CNTN1: variants seen among roughly 807,000 people sequenced by gnomAD.
CNTN1 encodes contactin-1.
A neutral mutation model predicts 126.4 loss-of-function variants in CNTN1; 38 were observed. The observed-to-expected ratio is 0.30, with a 90% CI of 0.23 to 0.39. The LOEUF (loss-of-function observed/expected upper bound fraction) is 0.39. Ranked by LOEUF, CNTN1 falls within the 10% of genes least tolerant of loss-of-function variation. CNTN1 has a pLI of 1.00. For missense variants in CNTN1, 1,009 were observed against 1,248.4 expected (o/e 0.81, Z 2.89); for synonymous variants, 413 against 422.6 (o/e 0.98, Z 0.28).
At chr12:40,913,927 GA>G (rs1246084894) in intron 3 of CNTN1, among the ~76,000 whole-genome samples, 2 of 152,000 alleles carry the variant, frequency 1.3e-5, no homozygotes, top group Admixed American at 1.3e-4. Context: ...TATCTGGTAG[GA>G]AATAAATGTA....
intron 14 of CNTN1, among the ~76,000 whole-genome samples, chr12:40,950,617 GTTAA>G (rs1946639788): frequency 6.6e-6 from 1 of 152,172 alleles, no homozygotes; most frequent in Non-Finnish European, 1.5e-5. Context: ...TTGGAAAAGA[GTTAA>G]TTAGATAATT....
intron 1 of CNTN1, among the ~76,000 whole-genome samples, chr12:40,903,575 G>A (rs545084670): frequency 4.1e-4 from 63 of 152,194 alleles, no homozygotes; most frequent in African/African-American, 1.4e-3. Context: ...TGAAGGATGT[G>A]ATCAGAGAGT....
intron 1 of CNTN1, among the ~76,000 whole-genome samples, chr12:40,760,404 A>G (rs1938810595): frequency 1.3e-5 from 2 of 152,294 alleles, no homozygotes; most frequent in East Asian, 3.9e-4. Flanking sequence ...CCTATAAAAA[A>G]CACACAAGAA....
chr12:41,039,267 G>T (rs1339936283), intron 23 of CNTN1, among the ~76,000 whole-genome samples: 1 of 152,170 alleles, frequency 6.6e-6, no homozygotes. Context: ...GAAACAGGGG[G>T]ATCAGTTAGG....
In CNTN1 at chr12:40,865,190, G is replaced by T. The variant is rs1943256009; in HGVS notation, c.-76-43167G>T. ...ATCCTTTGTTTATTTATCTAATTGG[G>T]ATTTTTGTCTTTTTAAGTATTGAGT... is the stretch of plus-strand genomic sequence containing the variant. On this transcript the variant is annotated intron_variant, in intron 1 of 23. Coordinates refer to ENST00000551295, the MANE Select transcript of CNTN1 (RefSeq NM_001843.4). Among the ~76,000 whole-genome samples, 4 of 152,004 alleles carry T rather than the reference G, an allele frequency of 2.6e-5. No homozygotes were observed. The South Asian group carries it at 8.3e-4, about 32-fold the overall frequency.
chr12:41,048,742 GGGAA>G (rs1949603782), intron 23 of CNTN1, among the ~76,000 whole-genome samples: 2 of 151,886 alleles, frequency 1.3e-5, no homozygotes, highest in South Asian at 4.2e-4. Flanking sequence ...GAAGGAAAGA[GGGAA>G]GGAAGGAGAG....
At chr12:40,999,064 A>G (rs1444125123) in intron 17 of CNTN1, among the ~76,000 whole-genome samples, 2 of 152,172 alleles carry the variant, frequency 1.3e-5, no homozygotes. Flanking sequence ...TATGCAAATT[A>G]TTTAAGCATT....
chr12:40,794,502 T>C (rs1216809136), intron 1 of CNTN1, among the ~76,000 whole-genome samples: 1 of 151,942 alleles, frequency 6.6e-6, no homozygotes, highest in East Asian at 1.9e-4. Flanking sequence ...ACAAATCATA[T>C]CATCACTAAA....
At chr12:40,742,553 T>C (rs962865081) in intron 1 of CNTN1, 5 of 151,886 alleles carry the variant, frequency 3.3e-5, no homozygotes, top group African/African-American at 1.2e-4. Context: ...TTTTTTTTTT[T>C]CTGTGAGACA....
intron 17 of CNTN1, among the ~76,000 whole-genome samples, chr12:41,007,338 G>T (rs999035989): frequency 3.3e-5 from 5 of 152,108 alleles, no homozygotes; most frequent in African/African-American, 1.2e-4. Flanking sequence ...GGGATTACAG[G>T]CGTGAGCCAC....
chr12:41,057,065 A>AT lies in CNTN1; in HGVS notation c.2981-12894_2981-12893insT, dbSNP rs1275669153. Reference sequence around the variant, plus strand: ...ATATTTAGATATTTATAAATATTATAAATATTTAGATATTTATAAATATTA... The same window carrying AT: ...ATATTTAGATATTTATAAATATTATATAATATTTAGATATTTATAAATATTA... On this transcript the variant is annotated intron_variant, in intron 23 of 23. Transcript: ENST00000551295. Among the ~76,000 whole-genome samples, 76 of 112,774 alleles carry AT rather than the reference A, an allele frequency of 6.7e-4. 1 individual carries two copies. Among genetic ancestry groups the AT allele is most frequent in the Admixed American group, 1.3e-3 (13 of 10,344 alleles). The allele number at this position is 112,774 out of a possible 152,430, so 74.0% of individuals were successfully genotyped here. A position where few individuals can be genotyped will look rare whatever the true frequency, so the allele number is the denominator to read the frequency against.
chr12:40,964,517 TGTAA>T (rs149874868), intron 15 of CNTN1, among the ~76,000 whole-genome samples: 10,247 of 144,864 alleles, frequency 0.071, 400 homozygotes, highest in African/African-American at 0.11. Flanking sequence ...GAAAACACCG[TGTAA>T]GTGAGTGTGT....
rs1943692233 is a variant in CNTN1, at chr12:40,877,073, A to C, written c.-76-31284A>C. 2.6e-5 allele frequency among the ~76,000 whole-genome samples: 4 copies of C among 152,076 alleles called. No individual in the cohort carries two copies. In the South Asian group the frequency reaches 8.3e-4, roughly 32 times the overall value. On this transcript the variant is annotated intron_variant, in intron 1 of 23. Coordinates refer to ENST00000551295, the MANE Select transcript of CNTN1 (RefSeq NM_001843.4). ...TTCGCCAAAATAATTGTGAGTATGA[A>C]CTTTCCTGTTTGTGAGCTTCTTGAA...
At chr12:40,799,543 C>T (rs1038179930) in intron 1 of CNTN1, among the ~76,000 whole-genome samples, 1 of 151,766 alleles carries the variant, frequency 6.6e-6, no homozygotes, top group African/African-American at 2.4e-5. Context: ...CTTGGCTCTC[C>T]TTGTGAGAGA....
intron 17 of CNTN1, among the ~76,000 whole-genome samples, chr12:41,007,226 AT>A (rs889370538): frequency 2.7e-5 from 4 of 150,818 alleles, no homozygotes; most frequent in Non-Finnish European, 4.4e-5. Flanking sequence ...CGCCCGGCTA[AT>A]TTTTTTGTAT....
At chr12:40,718,796 G>A (rs992242000) in intron 1 of CNTN1, among the ~76,000 whole-genome samples, 2 of 152,094 alleles carry the variant, frequency 1.3e-5, no homozygotes, top group African/African-American at 2.4e-5. Context: ...TCTGATGGAC[G>A]TCACACCTGC....
chr12:40,813,288 C>T (rs1283868917), intron 1 of CNTN1, among the ~76,000 whole-genome samples: 1 of 150,638 alleles, frequency 6.6e-6, no homozygotes, highest in Non-Finnish European at 1.5e-5. Flanking sequence ...CATAAGTATA[C>T]ATGTGTCATG....
chr12:40,874,593 C>A (rs1262958735), intron 1 of CNTN1, among the ~76,000 whole-genome samples: 5 of 152,034 alleles, frequency 3.3e-5, no homozygotes, highest in Admixed American at 6.6e-5. Flanking sequence ...ATGACGCTTG[C>A]AAAATCCATC....
intron 17 of CNTN1, among the ~76,000 whole-genome samples, chr12:41,006,913 C>T (rs1447642331): frequency 2.0e-5 from 3 of 151,996 alleles, no homozygotes; most frequent in East Asian, 1.9e-4. Flanking sequence ...CTGTACAAGG[C>T]CAGTTAGGTG....
Sources: gnomAD v4.1 joint callset for allele counts (sites outside exome capture counted in the v4.1 genomes callset) on GRCh38, gnomAD v4.1.1 for gene constraint, MANE v1.5 for transcripts, NCBI Gene and HGNC (gene_info 2026-07-23, HGNC 2026-07-21) for gene names.